Variants in IQCK observed in about 807,000 individuals in gnomAD.
IQCK encodes the protein IQ domain-containing protein K.
A neutral mutation model predicts 28.1 loss-of-function variants in IQCK; 29 were observed. The ratio of observed to expected loss-of-function variants is 1.03; its 90% CI spans 0.77 to 1.41. IQCK has a LOEUF of 1.41. Among genes scored for constraint, IQCK ranks in the 40% most tolerant of loss-of-function variants. IQCK has a pLI of 0.00. For synonymous variants in IQCK, 113 were observed against 115.1 expected (o/e 0.98, Z 0.12); for missense variants, 359 against 314.7 (o/e 1.14, Z -1.07).
chr16:19,821,622 A>C (rs1258365073), intron 7 of IQCK, among the ~76,000 whole-genome samples: 2 of 152,192 alleles, frequency 1.3e-5, no homozygotes, highest in Non-Finnish European at 2.9e-5. Flanking sequence ...AATCGCTTGA[A>C]AGTGGAGGTT....
exon 10 of IQCK, chr16:19,858,426 C>T: frequency 1.7e-6 from 1 of 605,602 alleles, no homozygotes; most frequent in South Asian, 2.0e-5. Flanking sequence ...TTGTGCTGTG[C>T]TCACCTTATA....
intron 7 of IQCK, among the ~76,000 whole-genome samples, chr16:19,822,150 G>A (rs2056082880): frequency 6.6e-6 from 1 of 150,862 alleles, no homozygotes; most frequent in East Asian, 1.9e-4. Flanking sequence ...CACTTTGGGA[G>A]GCCGAGGCAG....
chr16:19,856,796 A>C, exon 10 of IQCK: 1 of 482,636 alleles, frequency 2.1e-6, no homozygotes, highest in Non-Finnish European at 3.7e-6. Flanking sequence ...TTACTTCTTC[A>C]GTGCCTCAGG....
chr16:19,731,613 ATCT>A (rs752664708), intron 2 of IQCK, among the ~76,000 whole-genome samples: 57 of 152,150 alleles, frequency 3.7e-4, no homozygotes, highest in Non-Finnish European at 6.8e-4. Flanking sequence ...TTGTGCTATG[ATCT>A]TCTTGACCCG....
In IQCK at chr16:19,767,634, C is replaced by T. The variant is rs560215602; in HGVS notation, c.605+3522C>T. On this transcript the variant is annotated intron_variant, in intron 6 of 7. Transcript: ENST00000564186. Reference sequence around the variant, plus strand: ...CGACGTTTGGCTGCCTGGGTGTCTGCCCGCTAGGGTCTCGGGCTTTTATAT... The same window carrying T: ...CGACGTTTGGCTGCCTGGGTGTCTGTCCGCTAGGGTCTCGGGCTTTTATAT... Among the ~76,000 whole-genome samples, 5 of 152,228 alleles carry T rather than the reference C, an allele frequency of 3.3e-5. No individual in the cohort carries two copies. The East Asian group carries it at 9.7e-4, about 29-fold the overall frequency.
intron 4 of IQCK, among the ~76,000 whole-genome samples, chr16:19,753,158 TAA>T (rs2055009548): frequency 6.6e-6 from 1 of 151,546 alleles, no homozygotes; most frequent in Admixed American, 6.6e-5. Context: ...CTCATGCCTG[TAA>T]TCCCAGACAT....
At chr16:19,785,212 C>G (rs1169213818) in intron 6 of IQCK, among the ~76,000 whole-genome samples, 8 of 152,228 alleles carry the variant, frequency 5.3e-5, no homozygotes, top group African/African-American at 1.9e-4. Context: ...GGTCACACAC[C>G]CAGGAGCAGA....
chr16:19,827,484 G>A (rs2056164340), downstream of IQCK, among the ~76,000 whole-genome samples: 1 of 152,168 alleles, frequency 6.6e-6, no homozygotes, highest in Non-Finnish European at 1.5e-5. Flanking sequence ...GTTGTTGATT[G>A]TGTGTCTGAA....
chr16:19,768,508 A>C (rs1043499878), intron 6 of IQCK, among the ~76,000 whole-genome samples: 3 of 152,160 alleles, frequency 2.0e-5, no homozygotes, highest in African/African-American at 7.2e-5. Flanking sequence ...GCACTTTGGG[A>C]GGCTGAGGCA....
At chr16:19,775,545 G>A (rs957630569) in intron 6 of IQCK, among the ~76,000 whole-genome samples, 15 of 152,122 alleles carry the variant, frequency 9.9e-5, no homozygotes, top group African/African-American at 3.4e-4. Context: ...TAGTATCCCC[G>A]TTGTATTAGG....
intron 1 of IQCK, 82 bp downstream of exon 1, chr16:19,718,569 C>T (rs1889185884): frequency 3.1e-6 from 4 of 1,296,642 alleles, no homozygotes; most frequent in Non-Finnish European, 3.0e-6. Flanking sequence ...CACTGTGCGC[C>T]TGTCGGCTGA....
chr16:19,858,227 G>A (rs1285227967), exon 10 of IQCK: 2 of 350,612 alleles, frequency 5.7e-6, no homozygotes, highest in Admixed American at 4.7e-5. Context: ...TCTCACTCCC[G>A]CCTCCGCCCC....
chr16:19,739,395 A>T (rs1225677748), intron 4 of IQCK, among the ~76,000 whole-genome samples: 1 of 152,198 alleles, frequency 6.6e-6, no homozygotes, highest in African/African-American at 2.4e-5. Flanking sequence ...TGCTGATGAG[A>T]ACTGTAAACA....
At chr16:19,752,083 G>A (rs181046178) in intron 4 of IQCK, among the ~76,000 whole-genome samples, 40 of 151,134 alleles carry the variant, frequency 2.6e-4, no homozygotes, top group Non-Finnish European at 5.0e-4. Flanking sequence ...CATTCCACTG[G>A]AACAAATTAA....
At chr16:19,850,575 A>C (rs942546939) in intron 9 of IQCK, among the ~76,000 whole-genome samples, 4 of 152,200 alleles carry the variant, frequency 2.6e-5, no homozygotes, top group African/African-American at 9.7e-5. Flanking sequence ...GTTGTGGTCC[A>C]TAGCTGCGTG....
rs908909481 is a variant in IQCK, at chr16:19,747,031, C to G, written c.474+11581C>G. On this transcript the variant is annotated intron_variant, in intron 4 of 7. Transcript: ENST00000564186. ...TCGTGGCTCATGGCTGTAATCCCAG[C>G]AATTTAAGAGGCCAAGGCAGAAGGA... 1.4e-4 allele frequency among the ~76,000 whole-genome samples: 21 copies of G among 152,284 alleles called. No homozygotes were observed. In the East Asian group the frequency reaches 4.0e-3, roughly 29 times the overall value.
rs1415885021 is a variant in IQCK at position 19,779,108 on chromosome 16, A to G, written c.606-9730A>G. Among the ~76,000 whole-genome samples the G allele has an allele frequency of 3.9e-5, 6 of 152,126 alleles. 1 individual carries two copies. Among genetic ancestry groups the G allele is most frequent in the Non-Finnish European group, 5.9e-5 (4 of 68,020 alleles). On this transcript the variant is annotated intron_variant, in intron 6 of 7. Coordinates refer to ENST00000564186, the Ensembl canonical transcript of IQCK. ...AGCAGTCCTCCCACTTCAGCCTCCC[A>G]AAGTGCTGGGATTACAGACGTGAGC...
chr16:19,775,975 C>T (rs2055388623), intron 6 of IQCK, among the ~76,000 whole-genome samples: 2 of 138,406 alleles, frequency 1.4e-5, no homozygotes, highest in South Asian at 4.7e-4. Context: ...TCTGCCTCCC[C>T]ATTTCAAGCC....
At chr16:19,810,856 GGTT>G (rs1364266289) in intron 7 of IQCK, among the ~76,000 whole-genome samples, 1 of 151,942 alleles carries the variant, frequency 6.6e-6, no homozygotes, top group Non-Finnish European at 1.5e-5. Flanking sequence ...TAATTTGTAT[GGTT>G]GTTCTGAGAA....
Sources: gnomAD v4.1 joint callset for allele counts (sites outside exome capture counted in the v4.1 genomes callset) on GRCh38, gnomAD v4.1.1 for gene constraint, MANE v1.5 for transcripts, NCBI Gene and HGNC (gene_info 2026-07-23, HGNC 2026-07-21) for gene names.